ESRP1: variants seen among roughly 807,000 people sequenced by gnomAD.
The protein encoded by ESRP1 is epithelial splicing regulatory protein 1.
In ESRP1, 33 loss-of-function variants were observed where a neutral mutation model predicts 81.7. That is an observed-to-expected ratio of 0.40 (90% CI 0.31 to 0.54). The LOEUF is 0.54. Among genes scored for constraint, ESRP1 ranks in the 20% least tolerant of loss-of-function variants. ESRP1 has a pLI of 0.41. For synonymous variants in ESRP1, 320 were observed against 303.3 expected (o/e 1.06, Z -0.57); for missense variants, 672 against 833.1 (o/e 0.81, Z 2.38).
chr8:94,702,653 T>C (rs1196764549), intron 15 of ESRP1, among the ~76,000 whole-genome samples: 1 of 152,080 alleles, frequency 6.6e-6, no homozygotes, highest in East Asian at 1.9e-4. Flanking sequence ...CTAGCTAATT[T>C]TTTGTATTTT....
chr8:94,657,587 G>A (rs1432163421), intron 4 of ESRP1, among the ~76,000 whole-genome samples: 4 of 151,316 alleles, frequency 2.6e-5, no homozygotes, highest in South Asian at 2.1e-4. Context: ...CTGGTGTGAC[G>A]CTGATCCTGG....
chr8:94,642,770 G>A (rs1357428128), intron 2 of ESRP1, among the ~76,000 whole-genome samples: 1 of 152,142 alleles, frequency 6.6e-6, no homozygotes, highest in Non-Finnish European at 1.5e-5. Context: ...AGGGCGGGGC[G>A]CTAAACACCT....
chr8:94,660,863 T>G (rs957925388), intron 4 of ESRP1, among the ~76,000 whole-genome samples: 6 of 151,990 alleles, frequency 3.9e-5, no homozygotes, highest in Non-Finnish European at 5.9e-5. Context: ...AAGAGGCAAT[T>G]GATGTGGCAA....
At position 94,691,406 on chromosome 8, in the gene ESRP1, A is replaced by G. The variant is rs569709728; in HGVS notation, c.1821-1271A>G. On this transcript the variant is annotated intron_variant, in intron 13 of 15. Coordinates refer to ENST00000433389, the MANE Select transcript of ESRP1 (RefSeq NM_017697.4). Reference sequence around the variant, plus strand: ...AATAGTTCAGGCTCCCATTATTTTTAAAATGATGAAATATGATGGTGACGG... The same window carrying G: ...AATAGTTCAGGCTCCCATTATTTTTGAAATGATGAAATATGATGGTGACGG... Among the ~76,000 whole-genome samples, 7 of 152,348 alleles carry G rather than the reference A, an allele frequency of 4.6e-5. No homozygotes were observed. The South Asian group carries it at 1.2e-3, about 27-fold the overall frequency.
At chr8:94,683,251 A>G (rs1294120792) in intron 13 of ESRP1, among the ~76,000 whole-genome samples, 1 of 151,910 alleles carries the variant, frequency 6.6e-6, no homozygotes, top group African/African-American at 2.4e-5. Context: ...GCCTATGAAT[A>G]TGTATATTTA....
chr8:94,681,325 CAAAAAAAAAA>C lies in ESRP1; in HGVS notation c.1820+2973_1820+2982del, dbSNP rs1171703394. Among the ~76,000 whole-genome samples the C allele has an allele frequency of 1.1e-3, 33 of 31,284 alleles. 1 individual carries two copies. Among genetic ancestry groups the C allele is most frequent in the Admixed American group, 8.8e-3 (20 of 2,262 alleles). 20.5% of individuals were successfully genotyped at this position (31,284 alleles called of 152,430 possible). ...TGGGTGACAGAGCAAGACTCCATCT[CAAAAAAAAAA>C]AAAAAAAAAAAAAAAAAACTGGCTT... is the stretch of plus-strand genomic sequence containing the variant. On this transcript the variant is annotated intron_variant, in intron 13 of 15. Transcript: ENST00000433389.
At chr8:94,655,175 T>C (rs1214364069) in intron 4 of ESRP1, among the ~76,000 whole-genome samples, 8 of 151,762 alleles carry the variant, frequency 5.3e-5, no homozygotes, top group Admixed American at 5.3e-4. Context: ...TTGTGACCTC[T>C]GCCTCCTGGG....
chr8:94,659,742 G>T (rs902541576), intron 4 of ESRP1, among the ~76,000 whole-genome samples: 1 of 152,056 alleles, frequency 6.6e-6, no homozygotes, highest in Non-Finnish European at 1.5e-5. Context: ...AACATTATAG[G>T]GTGTTACCTG....
intron 12 of ESRP1, among the ~76,000 whole-genome samples, chr8:94,675,167 A>G (rs900037237): frequency 8.9e-6 from 1 of 112,296 alleles, no homozygotes; most frequent in Non-Finnish European, 2.3e-5. Context: ...TAAGCCCTGT[A>G]GTCTACGAAG....
intron 3 of ESRP1, among the ~76,000 whole-genome samples, chr8:94,644,285 C>T (rs1314173618): frequency 2.0e-5 from 3 of 152,164 alleles, no homozygotes; most frequent in South Asian, 2.1e-4. Context: ...TAGGCAGGCA[C>T]CGAGCTTGAA....
At chr8:94,685,522 T>C (rs201040965) in intron 13 of ESRP1, among the ~76,000 whole-genome samples, 2 of 151,638 alleles carry the variant, frequency 1.3e-5, no homozygotes, top group East Asian at 3.9e-4. Context: ...AACAAAACAA[T>C]AGGGTTGGGC....
chr8:94,668,101 G>C lies in ESRP1; in HGVS notation c.1084G>C (p.Val362Leu). 2 of 1,613,980 alleles carry C rather than the reference G, an allele frequency of 1.2e-6. No individual in the cohort carries two copies. The highest frequency in any genetic ancestry group is 1.7e-6 in the Non-Finnish European group (2 of 1,179,892). ...TGGGGGAAAGGAAGGCATCCTCTTT[G>C]TCACCTACCCAGATGGTAGGCCAAC... ...ITGGKEGILF[V>L]TYPDGRPTGD... is the part of the protein sequence containing the mutation. Residue 362 changes from valine to leucine, a missense_variant, in exon 10 of 16, where the codon GTC (valine) becomes CTC (leucine). Coordinates refer to ENST00000433389, the MANE Select transcript of ESRP1 (RefSeq NM_017697.4).
Position 94,663,723 on chromosome 8 carries a change from G to T in ESRP1, c.645-974G>T, listed in dbSNP as rs58517766. Among the ~76,000 whole-genome samples the T allele has an allele frequency of 3.2e-3, 480 of 152,256 alleles. 10 individuals are homozygous for T. Among genetic ancestry groups the T allele is most frequent in the Admixed American group, 0.022 (341 of 15,270 alleles). On this transcript the variant is annotated intron_variant, in intron 6 of 15. Coordinates refer to ENST00000433389, the MANE Select transcript of ESRP1 (RefSeq NM_017697.4). ...GCCCATAGAGAGAGACTTTGAGGCC[G>T]ATTAGTTGTGGAGAAAGTGACTTAT...
At chr8:94,704,693 T>C (rs907250043) in intron 15 of ESRP1, among the ~76,000 whole-genome samples, 29 of 144,922 alleles carry the variant, frequency 2.0e-4, no homozygotes, top group African/African-American at 7.1e-4. Context: ...CCCAGGAATT[T>C]GGGGCAGCAA....
chr8:94,685,718 T>C (rs1809110744), intron 13 of ESRP1, among the ~76,000 whole-genome samples: 1 of 151,544 alleles, frequency 6.6e-6, no homozygotes, highest in East Asian at 1.9e-4. Context: ...GAGAATGGCA[T>C]GAATATGAAA....
chr8:94,644,019 CA>C (rs1389755451), intron 3 of ESRP1, among the ~76,000 whole-genome samples: 1 of 152,152 alleles, frequency 6.6e-6, no homozygotes, highest in Non-Finnish European at 1.5e-5. Context: ...AGTCAATGTT[CA>C]AAACATTCTT....
intron 15 of ESRP1, among the ~76,000 whole-genome samples, chr8:94,704,766 GAAAAAAAAA>G (rs10618511): frequency 0.071 from 7,754 of 108,776 alleles, 935 homozygotes; most frequent in African/African-American, 0.24. Flanking sequence ...ATCTCTTTTT[GAAAAAAAAA>G]AAAAAAAAAA....
At chr8:94,658,423 C>G (rs1818546911) in intron 4 of ESRP1, among the ~76,000 whole-genome samples, 1 of 152,154 alleles carries the variant, frequency 6.6e-6, no homozygotes, top group African/African-American at 2.4e-5. Flanking sequence ...GGAAATGTTA[C>G]AACAGTCGAG....
At chr8:94,682,428 G>A (rs1027251869) in intron 13 of ESRP1, among the ~76,000 whole-genome samples, 8 of 152,040 alleles carry the variant, frequency 5.3e-5, no homozygotes, top group Admixed American at 2.6e-4. Context: ...GTGCAGTGGC[G>A]CTACCATGGC....
Sources: gnomAD v4.1 joint callset for allele counts (sites outside exome capture counted in the v4.1 genomes callset) on GRCh38, gnomAD v4.1.1 for gene constraint, MANE v1.5 for transcripts, NCBI Gene and HGNC (gene_info 2026-07-23, HGNC 2026-07-21) for gene names.